The following SEL1L3 variants were observed in gnomAD, a reference collection of about 807,000 sequenced individuals.
SEL1L3 encodes the protein SEL1L family member 3.
SEL1L3 carries 76 observed loss-of-function variants against 142.8 expected under a neutral mutation model. The ratio of observed to expected loss-of-function variants is 0.53; its 90% CI spans 0.44 to 0.64. The LOEUF (loss-of-function observed/expected upper bound fraction) is 0.64, where lower values mean the gene tolerates loss of function less well. Among genes scored for constraint, SEL1L3 ranks in the 30% least tolerant of loss-of-function variants. SEL1L3 has a pLI of 0.00. For synonymous variants in SEL1L3, 504 were observed against 519.6 expected (o/e 0.97, Z 0.41); for missense variants, 1,262 against 1,381.7 (o/e 0.91, Z 1.37).
chr4:25,751,662 T>G (rs1028590128), intron 23 of SEL1L3, among the ~76,000 whole-genome samples: 1 of 148,850 alleles, frequency 6.7e-6, no homozygotes, highest in Non-Finnish European at 1.5e-5. Flanking sequence ...TATATATAAA[T>G]AAATATATGT....
chr4:25,859,068 T>G (rs1717488111), intron 1 of SEL1L3, among the ~76,000 whole-genome samples: 1 of 152,238 alleles, frequency 6.6e-6, no homozygotes, highest in Non-Finnish European at 1.5e-5. Flanking sequence ...AATTGTTTTC[T>G]GGAAGTGCCA....
At chr4:25,746,870 A>G (rs1717286302), downstream of SEL1L3, among the ~76,000 whole-genome samples, 1 of 152,014 alleles carries the variant, frequency 6.6e-6, no homozygotes, top group Admixed American at 6.6e-5. Flanking sequence ...GAATGACCTA[A>G]TACAAGACTC....
At chr4:25,798,507 G>T (rs975150835) in intron 11 of SEL1L3, among the ~76,000 whole-genome samples, 7 of 152,138 alleles carry the variant, frequency 4.6e-5, no homozygotes, top group African/African-American at 1.7e-4. Flanking sequence ...TGAGGGAGAG[G>T]ATGGGAAGGC....
chr4:25,790,204 G>A (rs145520741), intron 12 of SEL1L3, among the ~76,000 whole-genome samples: 405 of 152,278 alleles, frequency 2.7e-3, no homozygotes, highest in African/African-American at 7.3e-3. Flanking sequence ...GGGCAGAAGC[G>A]TTAGCCAGCT....
chr4:25,858,134 A>C (rs976242799), intron 1 of SEL1L3, among the ~76,000 whole-genome samples: 3 of 152,216 alleles, frequency 2.0e-5, no homozygotes, highest in Admixed American at 6.5e-5. Flanking sequence ...CAGTCTATCC[A>C]TGTTTCCAGC....
intron 9 of SEL1L3, among the ~76,000 whole-genome samples, chr4:25,811,748 GT>G (rs60024973): frequency 0.061 from 7,361 of 121,654 alleles, 589 homozygotes; most frequent in African/African-American, 0.19. Context: ...TTCTTTTCCT[GT>G]TTTTTTTTTT....
At position 25,862,665 on chromosome 4, in the gene SEL1L3, C is replaced by G. The variant is rs1717808530; in HGVS notation, c.162+10G>C. The stretch of plus-strand genomic sequence containing the variant: ...CGGAGGGGAAGACCCGGGCAGGGTC[C>G]GGCGCTCACCAGGTAGCAGAGCAGG... On this transcript the variant is annotated intron_variant, in intron 1 of 23. Transcript: ENST00000399878. 7.9e-7 allele frequency: 1 copy of G among 1,271,232 alleles called. No individual in the cohort carries two copies. The highest frequency in any genetic ancestry group is 3.8e-5 in the Admixed American group (1 of 25,998). 78.7% of individuals were successfully genotyped at this position (1,271,232 alleles called of 1,614,324 possible). A position where few individuals can be genotyped will look rare whatever the true frequency, so the allele number is the denominator to read the frequency against.
At chr4:25,756,495 A>G (rs1182212005) in intron 23 of SEL1L3, 2 of 983,952 alleles carry the variant, frequency 2.0e-6, no homozygotes, top group Non-Finnish European at 1.2e-6. Context: ...TTTTTCACTT[A>G]ATATTTTTTT....
chr4:25,723,797 C>T, the SEL1L3 span, among the ~76,000 whole-genome samples: 1 of 152,198 alleles, frequency 6.6e-6, no homozygotes, highest in Non-Finnish European at 1.5e-5. Flanking sequence ...TTGATCGACT[C>T]AGGCTGGTCA....
At chr4:25,752,747 A>C (rs1000858268) in intron 23 of SEL1L3, among the ~76,000 whole-genome samples, 6 of 152,144 alleles carry the variant, frequency 3.9e-5, no homozygotes, top group African/African-American at 1.4e-4. Context: ...CAGCCTCCCA[A>C]GCAGCTGGAA....
At chr4:25,762,744 CCA>C (rs1718454751) in intron 20 of SEL1L3, among the ~76,000 whole-genome samples, 1 of 152,118 alleles carries the variant, frequency 6.6e-6, no homozygotes. Flanking sequence ...CTTTGGGAGG[CCA>C]AGGTGGGCGG....
chr4:25,806,018 G>A (rs1043602837), intron 9 of SEL1L3, among the ~76,000 whole-genome samples: 1 of 148,352 alleles, frequency 6.7e-6, no homozygotes, highest in African/African-American at 2.5e-5. Context: ...AATGTTGTGG[G>A]TTTTTTTTGT....
chr4:25,769,575 G>T (rs557193008), intron 17 of SEL1L3, among the ~76,000 whole-genome samples: 3 of 152,174 alleles, frequency 2.0e-5, no homozygotes, highest in Admixed American at 6.5e-5. Flanking sequence ...CAGACCCAAG[G>T]CCCCAGACAG....
At chr4:25,838,133 G>T (rs964758647) in intron 2 of SEL1L3, among the ~76,000 whole-genome samples, 19 of 152,138 alleles carry the variant, frequency 1.2e-4, no homozygotes, top group African/African-American at 4.1e-4. Context: ...CTTCCTCCTA[G>T]TACTGTCCAC....
chr4:25,837,595 G>T (rs1046747250), intron 2 of SEL1L3, among the ~76,000 whole-genome samples: 2 of 151,804 alleles, frequency 1.3e-5, no homozygotes, highest in African/African-American at 4.8e-5. Flanking sequence ...CAAAACCAAA[G>T]TAATGGTAGT....
At position 25,800,857 on chromosome 4, in the gene SEL1L3, T is replaced by A. The variant is rs186185223; in HGVS notation, c.1956+1426A>T. 2.0e-4 allele frequency among the ~76,000 whole-genome samples: 31 copies of A among 152,366 alleles called. No individual in the cohort carries two copies. The East Asian group carries it at 5.6e-3, about 27-fold the overall frequency. Reference sequence around the variant, plus strand: ...TATAGCTTGACTCATGTTCAACATTTACTGACAGCATATCTTCAAGTCATT... The same window carrying A: ...TATAGCTTGACTCATGTTCAACATTAACTGACAGCATATCTTCAAGTCATT... On this transcript the variant is annotated intron_variant, in intron 11 of 23. Coordinates refer to ENST00000399878, the MANE Select transcript of SEL1L3 (RefSeq NM_015187.5).
chr4:25,755,326 C>T (rs550078331), intron 23 of SEL1L3, among the ~76,000 whole-genome samples: 1 of 151,914 alleles, frequency 6.6e-6, no homozygotes, highest in Non-Finnish European at 1.5e-5. Context: ...TGGTCTCAAA[C>T]CCCTGAGCTC....
At chr4:25,810,341 A>ATGAGT (rs1245304998) in intron 9 of SEL1L3, among the ~76,000 whole-genome samples, 25 of 152,010 alleles carry the variant, frequency 1.6e-4, no homozygotes, top group Non-Finnish European at 2.6e-4. Context: ...CCCTGCCACA[A>ATGAGT]CCAAGAGCCC....
chr4:25,818,234 T>C lies in SEL1L3; in HGVS notation c.1468A>G (p.Arg490Gly). Residue 490 changes from arginine to glycine, a missense_variant, in exon 9 of 24, where the codon AGA becomes GGA. Coordinates refer to ENST00000399878, the MANE Select transcript of SEL1L3 (RefSeq NM_015187.5). ...GGGAAGGCTCTGCACATCGAGGGTC[T>C]CCCATACCTGCGCTGGAGGTCCAGG... The part of the protein sequence containing the change: ...SYLDLQRRYG[R>G]PSMCRAFPWE... The C allele has an allele frequency of 6.2e-7, 1 of 1,603,204 alleles. No homozygotes were observed. Among genetic ancestry groups the C allele is most frequent in the Non-Finnish European group, 8.5e-7 (1 of 1,174,890 alleles).
Sources: allele counts gnomAD v4.1 joint callset (sites outside exome capture counted in the v4.1 genomes callset), GRCh38; gene constraint gnomAD v4.1.1; transcripts MANE v1.5; gene names NCBI Gene and HGNC (gene_info 2026-07-23, HGNC 2026-07-21).